Variants in HOMER1 observed in about 807,000 individuals in gnomAD.
The protein encoded by HOMER1 is homer protein homolog 1.
A neutral mutation model predicts 48.9 loss-of-function variants in HOMER1; 3 were observed. The observed-to-expected ratio is 0.06, with a 90% CI of 0.03 to 0.16. HOMER1 has a LOEUF of 0.16. HOMER1 is among the 10% of genes least tolerant of loss of function. The pLI, the probability that HOMER1 is intolerant of heterozygous loss-of-function variation, is 1.00. For missense variants in HOMER1, 247 were observed against 411.4 expected, an observed-to-expected ratio of 0.60 and a Z score of 3.46; for synonymous variants, 134 against 146.4, an observed-to-expected ratio of 0.92 and a Z score of 0.61.
At position 79,475,518 on chromosome 5, in the gene HOMER1, T is replaced by A. The variant is rs1352333276; in HGVS notation, c.6-18500A>T. On this transcript the variant is annotated intron_variant, in intron 1 of 8. Coordinates refer to ENST00000334082, the MANE Select transcript of HOMER1 (RefSeq NM_004272.5). ...AAGCAGAAGGTATTTTTGAGCCTCA[T>A]ACTTTATCAAAATATTCTATCATGT... is the stretch of plus-strand genomic sequence containing the variant. Among the ~76,000 whole-genome samples the A allele has an allele frequency of 3.3e-5, 5 of 150,174 alleles. No homozygotes were observed. In the South Asian group the frequency reaches 1.1e-3, roughly 32 times the overall value.
intron 1 of HOMER1, among the ~76,000 whole-genome samples, chr5:79,458,026 T>C (rs1013639295): frequency 2.0e-5 from 3 of 152,198 alleles, no homozygotes; most frequent in African/African-American, 7.2e-5. Flanking sequence ...ATCGCTACTA[T>C]ACTTAAAAGT....
chr5:79,434,730 G>C (rs1173177043), intron 5 of HOMER1, among the ~76,000 whole-genome samples: 1 of 139,612 alleles, frequency 7.2e-6, no homozygotes, highest in East Asian at 2.2e-4. Context: ...CAATAAGAAT[G>C]TTTTTGCATA....
intron 1 of HOMER1, among the ~76,000 whole-genome samples, chr5:79,478,743 G>C (rs1473882468): frequency 6.6e-6 from 1 of 152,132 alleles, no homozygotes; most frequent in African/African-American, 2.4e-5. Context: ...CCTGAGGTCA[G>C]GAGTTCGAGA....
Position 79,502,645 on chromosome 5 carries a change from A to C in HOMER1, c.5+10125T>G, listed in dbSNP as rs148026237. On this transcript the variant is annotated intron_variant, in intron 1 of 8. Transcript: ENST00000334082. ...AATTGACCACTGTACCATCTTTGAA[A>C]ACATTCTTTGGGATAGCTTCTACCA... Among the ~76,000 whole-genome samples, 389 of 152,298 alleles carry C rather than the reference A, an allele frequency of 2.6e-3. 2 individuals are homozygous for C. The highest frequency in any genetic ancestry group is 3.3e-3 in the Non-Finnish European group (227 of 68,034).
chr5:79,461,946 C>A (rs1751326759), intron 1 of HOMER1, among the ~76,000 whole-genome samples: 1 of 152,144 alleles, frequency 6.6e-6, no homozygotes, highest in African/African-American at 2.4e-5. Context: ...CGCCTGTAAT[C>A]CCAGCACTTT....
At position 79,501,129 on chromosome 5, in the gene HOMER1, C is replaced by A. The variant is rs1015818272; in HGVS notation, c.5+11641G>T. On this transcript the variant is annotated intron_variant, in intron 1 of 8. Transcript: ENST00000334082. Reference sequence around the variant, plus strand: ...GGGACTACAGATGTGTACCACCAAGCCTGGCTAATGTTTGTATTTTTTGTA... The same window carrying A: ...GGGACTACAGATGTGTACCACCAAGACTGGCTAATGTTTGTATTTTTTGTA... 3.6e-4 allele frequency among the ~76,000 whole-genome samples: 54 copies of A among 152,108 alleles called. 1 individual carries two copies. The highest frequency in any genetic ancestry group is 1.5e-3 in the South Asian group (7 of 4,816).
chr5:79,477,851 A>ATT (rs11459299), intron 1 of HOMER1, among the ~76,000 whole-genome samples: 6 of 146,798 alleles, frequency 4.1e-5, no homozygotes, highest in African/African-American at 1.2e-4. Flanking sequence ...GCTTCACAAG[A>ATT]TTTTTTTTTT....
At chr5:79,469,706 C>T (rs557515390) in intron 1 of HOMER1, among the ~76,000 whole-genome samples, 1 of 151,744 alleles carries the variant, frequency 6.6e-6, no homozygotes, top group African/African-American at 2.4e-5. Flanking sequence ...TTATGTTGCC[C>T]AGGCCTAACT....
chr5:79,410,460 G>A (rs2112232757), intron 5 of HOMER1, among the ~76,000 whole-genome samples: 1 of 143,496 alleles, frequency 7.0e-6, no homozygotes, highest in South Asian at 2.2e-4. Flanking sequence ...CTGCATTCCA[G>A]CCTGGGTAAC....
intron 1 of HOMER1, among the ~76,000 whole-genome samples, chr5:79,492,737 G>A (rs540603677): frequency 5.3e-5 from 8 of 152,048 alleles, no homozygotes; most frequent in Non-Finnish European, 8.8e-5. Flanking sequence ...AACTTAATAC[G>A]TATTAGGTTG....
chr5:79,479,860 C>T (rs1350247327), intron 1 of HOMER1, among the ~76,000 whole-genome samples: 13 of 151,908 alleles, frequency 8.6e-5, no homozygotes, highest in South Asian at 4.2e-4. Context: ...ATAGAATTAC[C>T]GAAAACCAGC....
intron 5 of HOMER1, among the ~76,000 whole-genome samples, chr5:79,428,643 T>C (rs1051754206): frequency 1.3e-5 from 2 of 152,056 alleles, no homozygotes; most frequent in African/African-American, 4.8e-5. Flanking sequence ...ATACTAACAA[T>C]GAACAATTCA....
At chr5:79,383,438 T>C (rs998034598) in intron 8 of HOMER1, among the ~76,000 whole-genome samples, 13 of 150,798 alleles carry the variant, frequency 8.6e-5, no homozygotes, top group Non-Finnish European at 1.5e-4. Flanking sequence ...TAGACTAGAG[T>C]GCAGTGGTGC....
At chr5:79,443,377 C>T (rs1424350339) in intron 4 of HOMER1, among the ~76,000 whole-genome samples, 1 of 152,120 alleles carries the variant, frequency 6.6e-6, no homozygotes, top group African/African-American at 2.4e-5. Context: ...GTTAGAAATG[C>T]AAATCCTTGG....
chr5:79,396,682 G>A lies in HOMER1; in HGVS notation c.876+141C>T, dbSNP rs1749394707. ...ATCAAGTAACTTTTTAAAAATCAAA[G>A]ATTAGGCATGAATCAGAAGTCCCGG... is the stretch of plus-strand genomic sequence containing the variant. On this transcript the variant is annotated intron_variant, in intron 8 of 8. Coordinates refer to ENST00000334082, the MANE Select transcript of HOMER1 (RefSeq NM_004272.5). 6.4e-6 allele frequency: 3 copies of A among 472,022 alleles called. No homozygotes were observed. The South Asian group carries it at 1.4e-4, about 21-fold the overall frequency. The allele number at this position is 472,022 out of a possible 1,614,324, so 29.2% of individuals were successfully genotyped here.
chr5:79,423,020 C>G (rs956002275), intron 5 of HOMER1, among the ~76,000 whole-genome samples: 1 of 152,066 alleles, frequency 6.6e-6, no homozygotes, highest in Non-Finnish European at 1.5e-5. Context: ...TAGTCTAGAA[C>G]TTACATCAAG....
At chr5:79,427,110 A>T (rs1750278019) in intron 5 of HOMER1, among the ~76,000 whole-genome samples, 2 of 152,190 alleles carry the variant, frequency 1.3e-5, no homozygotes. Flanking sequence ...CCAGAAAAAC[A>T]AATCTTCTAT....
At chr5:79,499,553 GA>G (rs200690079) in intron 1 of HOMER1, among the ~76,000 whole-genome samples, 1 of 151,350 alleles carries the variant, frequency 6.6e-6, no homozygotes, top group Non-Finnish European at 1.5e-5. Flanking sequence ...TAGAAGTATT[GA>G]AAAAAATAGA....
intron 2 of HOMER1, among the ~76,000 whole-genome samples, chr5:79,451,323 C>G (rs1751022500): frequency 6.6e-6 from 1 of 152,100 alleles, no homozygotes. Context: ...TGATGACACT[C>G]TATCAAAAAT....
Sources: allele counts gnomAD v4.1 joint callset (sites outside exome capture counted in the v4.1 genomes callset), GRCh38; gene constraint gnomAD v4.1.1; transcripts MANE v1.5; gene names NCBI Gene and HGNC (gene_info 2026-07-23, HGNC 2026-07-21).